Variants in PRKN observed in about 807,000 individuals in gnomAD.
PRKN encodes the protein parkin RBR E3 ubiquitin protein ligase.
Under a neutral mutation model 59.5 loss-of-function variants are expected in PRKN, and 56 were observed. That is an observed-to-expected ratio of 0.94 (90% CI 0.76 to 1.18). The LOEUF (loss-of-function observed/expected upper bound fraction) is 1.18. PRKN is among the 50% of genes most tolerant of loss of function. The pLI is 0.00. For missense variants in PRKN, 657 were observed against 596.4 expected, an observed-to-expected ratio of 1.10 and a Z score of -1.06; for synonymous variants, 250 against 222.1, an observed-to-expected ratio of 1.13 and a Z score of -1.12.
At chr6:162,496,951 G>A (rs1157714014) in intron 1 of PRKN, among the ~76,000 whole-genome samples, 1 of 152,138 alleles carries the variant, frequency 6.6e-6, no homozygotes, top group Non-Finnish European at 1.5e-5. Flanking sequence ...GAAAGAGGCT[G>A]CCATGTTTCG....
intron 1 of PRKN, among the ~76,000 whole-genome samples, chr6:162,549,798 C>G (rs1779262595): frequency 6.6e-6 from 1 of 152,072 alleles, no homozygotes; most frequent in Admixed American, 6.6e-5. Context: ...GACACCATGC[C>G]TGGCTAATTT....
chr6:162,458,255 CA>C lies in PRKN; in HGVS notation c.8-14783del, dbSNP rs34337589. On this transcript the variant is annotated intron_variant, in intron 1 of 11. Transcript: ENST00000366898. The stretch of plus-strand genomic sequence containing the variant: ...TGGGTGATAGAGTGAGACTCTATCT[CA>C]AAAAAAAAAAAAAAAAAAAATTACC... Among the ~76,000 whole-genome samples the C allele has an allele frequency of 7.6e-3, 497 of 65,556 alleles. 4 individuals carry two copies. Among genetic ancestry groups the C allele is most frequent in the African/African-American group, 0.027 (427 of 15,958 alleles). 43.0% of individuals were successfully genotyped at this position (65,556 alleles called of 152,430 possible).
chr6:162,113,786 T>C (rs1780545960), intron 4 of PRKN, among the ~76,000 whole-genome samples: 2 of 152,230 alleles, frequency 1.3e-5, no homozygotes, highest in South Asian at 4.1e-4. Context: ...ATGAAGTCCT[T>C]GCCCTGCCTA....
chr6:161,986,526 T>C (rs1481981773), intron 5 of PRKN, among the ~76,000 whole-genome samples: 1 of 150,768 alleles, frequency 6.6e-6, no homozygotes, highest in Non-Finnish European at 1.5e-5. Flanking sequence ...TGATATTCCA[T>C]CTTTTGAGTT....
chr6:161,992,953 A>G (rs1487305382), intron 5 of PRKN, among the ~76,000 whole-genome samples: 1 of 152,160 alleles, frequency 6.6e-6, no homozygotes, highest in East Asian at 1.9e-4. Context: ...AATACAGCAA[A>G]AGTACTGCTA....
chr6:161,391,716 T>A lies in PRKN; in HGVS notation c.1084-4839A>T, dbSNP rs1206583919. Among the ~76,000 whole-genome samples, 2 of 152,074 alleles carry A rather than the reference T, an allele frequency of 1.3e-5. No homozygotes were observed. Among genetic ancestry groups the A allele is most frequent in the African/African-American group, 4.8e-5 (2 of 41,362 alleles). ...AGTTTATTTTAAGTAAGAGAGATTA[T>A]CCTAGATAACCTGAAGGGGGCTGAT... On this transcript the variant is annotated intron_variant, in intron 9 of 11. Coordinates refer to ENST00000366898, the MANE Select transcript of PRKN (RefSeq NM_004562.3). The surrounding 1 kb of genome is among the most constrained non-coding windows in gnomAD (Gnocchi z 4.9).
chr6:161,569,482 C>A, intron 7 of PRKN, 66 bp from the exon 8 acceptor site: 3 of 1,394,156 alleles, frequency 2.2e-6, no homozygotes, highest in Non-Finnish European at 2.0e-6. Flanking sequence ...TGTTCTTACA[C>A]AGAGTTATGA....
chr6:162,002,025 C>CT (rs1160751980), intron 5 of PRKN, among the ~76,000 whole-genome samples: 1 of 151,542 alleles, frequency 6.6e-6, no homozygotes, highest in Non-Finnish European at 1.5e-5. Flanking sequence ...TCTCAGTTGG[C>CT]TGCATGTTAT....
intron 6 of PRKN, among the ~76,000 whole-genome samples, chr6:161,859,324 G>T (rs546021248): frequency 6.6e-6 from 1 of 152,082 alleles, no homozygotes; most frequent in Admixed American, 6.5e-5. Context: ...GAGAACGCAG[G>T]CCAGACGCGG....
intron 4 of PRKN, among the ~76,000 whole-genome samples, chr6:162,099,410 C>T (rs1452150052): frequency 6.6e-6 from 1 of 152,198 alleles, no homozygotes; most frequent in African/African-American, 2.4e-5. Context: ...CAGCTTTTGA[C>T]AGAAGCGTAC....
Position 162,489,048 on chromosome 6 carries a change from G to T in PRKN, c.8-45575C>A, listed in dbSNP as rs1265702525. ...GTTAACAATTTGGCACAGGGAGAAA[G>T]GAGCAGGGGTCCAGGGAGAAGGAGC... On this transcript the variant is annotated intron_variant, in intron 1 of 11. Transcript: ENST00000366898. Among the ~76,000 whole-genome samples the T allele has an allele frequency of 3.3e-5, 5 of 150,964 alleles. No individual in the cohort carries two copies. The East Asian group carries it at 9.8e-4, about 30-fold the overall frequency.
chr6:162,197,397 G>A (rs899601823), intron 4 of PRKN, among the ~76,000 whole-genome samples: 2 of 152,010 alleles, frequency 1.3e-5, no homozygotes, highest in Non-Finnish European at 2.9e-5. Flanking sequence ...TCTAGTTACT[G>A]TACTAAAATA....
intron 4 of PRKN, among the ~76,000 whole-genome samples, chr6:162,197,408 T>C (rs576878480): frequency 4.3e-4 from 65 of 152,336 alleles, no homozygotes; most frequent in African/African-American, 1.5e-3. Flanking sequence ...TACTAAAATA[T>C]GGATTATATA....
chr6:162,053,986 G>C (rs1777754881), intron 5 of PRKN, 105 bp downstream of exon 5: 1 of 846,564 alleles, frequency 1.2e-6, no homozygotes, highest in Non-Finnish European at 2.1e-6. Flanking sequence ...AACATTATTA[G>C]ATGGAAGAAC....
chr6:161,694,302 ACTGAGT>A (rs970140887), intron 7 of PRKN, among the ~76,000 whole-genome samples: 2 of 152,196 alleles, frequency 1.3e-5, no homozygotes, highest in Non-Finnish European at 2.9e-5. Context: ...TCAACTGTAT[ACTGAGT>A]CTGACTAGAA....
chr6:162,087,080 C>T (rs929035112), intron 4 of PRKN, among the ~76,000 whole-genome samples: 3 of 152,170 alleles, frequency 2.0e-5, no homozygotes, highest in Non-Finnish European at 1.5e-5. Flanking sequence ...TTTCTAAGGT[C>T]CCCCAGCTGT....
At chr6:161,830,263 T>G (rs1386416339) in intron 6 of PRKN, among the ~76,000 whole-genome samples, 3 of 151,794 alleles carry the variant, frequency 2.0e-5, no homozygotes, top group Non-Finnish European at 2.9e-5. Flanking sequence ...TTTTGTTTTT[T>G]TTTTTTGAGA....
At chr6:161,708,789 A>C (rs2128181625) in intron 7 of PRKN, among the ~76,000 whole-genome samples, 1 of 152,336 alleles carries the variant, frequency 6.6e-6, no homozygotes. Flanking sequence ...GCCTGTAAGC[A>C]GTGGAGCTGG....
intron 1 of PRKN, among the ~76,000 whole-genome samples, chr6:162,658,948 A>G (rs111443339): frequency 0.01 from 1,552 of 152,254 alleles, 28 homozygotes; most frequent in African/African-American, 0.036. Flanking sequence ...TTTAGTAGTA[A>G]AAAGAAGAAA....
Sources: allele counts gnomAD v4.1 joint callset (sites outside exome capture counted in the v4.1 genomes callset), GRCh38; gene constraint gnomAD v4.1.1; non-coding constraint Gnocchi (gnomAD v3.1); transcripts MANE v1.5; gene names NCBI Gene and HGNC (gene_info 2026-07-23, HGNC 2026-07-21).